The following ZNF334 variants were observed in gnomAD, a reference collection of about 807,000 sequenced individuals.
The protein encoded by ZNF334 is zinc finger protein 334.
ZNF334 carries 14 observed loss-of-function variants against 12.4 expected under a neutral mutation model. The observed-to-expected ratio is 1.13, with a 90% confidence interval of 0.74 to 1.76. The LOEUF (loss-of-function observed/expected upper bound fraction) is 1.76, where lower values mean the gene tolerates loss of function less well. Among genes scored for constraint, ZNF334 ranks in the 40% most tolerant of loss-of-function variants. The pLI, the probability that ZNF334 is intolerant of heterozygous loss-of-function variation, is 0.00. For synonymous variants in ZNF334, 273 were observed against 269.6 expected (o/e 1.01, Z -0.12); for missense variants, 797 against 804.5 (o/e 0.99, Z 0.11).
chr20:46,493,520 A>C, the ZNF334 span, among the ~76,000 whole-genome samples: 1 of 152,224 alleles, frequency 6.6e-6, no homozygotes, highest in African/African-American at 2.4e-5. Context: ...GCAGTGGCTC[A>C]CGCCTGTAAT....
At chr20:46,509,830 T>C (rs1030683000) in intron 2 of ZNF334, 4 of 610,148 alleles carry the variant, frequency 6.6e-6, no homozygotes, top group Non-Finnish European at 1.2e-5. Context: ...ATGGAAGGTT[T>C]GCATCCCAAT....
intron 4 of ZNF334, 133 bp from the exon 5 acceptor site, chr20:46,503,230 A>T: frequency 9.4e-7 from 1 of 1,069,056 alleles, no homozygotes; most frequent in Non-Finnish European, 1.3e-6. Flanking sequence ...ACAAATTTCA[A>T]GTGCAAATAT....
At chr20:46,463,023 G>A in the ZNF334 span, among the ~76,000 whole-genome samples, 2 of 152,308 alleles carry the variant, frequency 1.3e-5, no homozygotes, top group South Asian at 4.1e-4. Flanking sequence ...AAGGTGGGAG[G>A]ATCAGCTGAG....
chr20:46,482,857 A>T, the ZNF334 span, among the ~76,000 whole-genome samples: 1 of 152,256 alleles, frequency 6.6e-6, no homozygotes, highest in East Asian at 1.9e-4. Flanking sequence ...TACAGTGTGA[A>T]TTGTCCTGTT....
intron 2 of ZNF334, among the ~76,000 whole-genome samples, chr20:46,507,463 GAT>G (rs1012612228): frequency 2.4e-4 from 37 of 152,150 alleles, no homozygotes; most frequent in African/African-American, 6.8e-4. Flanking sequence ...ATTTGAATAC[GAT>G]AGATAATAAT....
the ZNF334 span, chr20:46,463,798 C>T: frequency 3.4e-5 from 10 of 290,412 alleles, no homozygotes; most frequent in Non-Finnish European, 7.0e-5. Flanking sequence ...AGTTGATAGG[C>T]CTGCCTAGGA....
chr20:46,475,788 G>A, the ZNF334 span, among the ~76,000 whole-genome samples: 1 of 152,222 alleles, frequency 6.6e-6, no homozygotes, highest in Non-Finnish European at 1.5e-5. Flanking sequence ...ATGCTGGCCA[G>A]GATGTGGTGA....
At chr20:46,498,199 CCA>C (rs1568843428), downstream of ZNF334, among the ~76,000 whole-genome samples, 4 of 152,304 alleles carry the variant, frequency 2.6e-5, no homozygotes, top group South Asian at 8.3e-4. Flanking sequence ...TGAGATGGCT[CCA>C]GAGGTCTCTA....
chr20:46,490,530 T>C, the ZNF334 span, among the ~76,000 whole-genome samples: 1 of 152,252 alleles, frequency 6.6e-6, no homozygotes, highest in Non-Finnish European at 1.5e-5. Context: ...TTTTAGGTTC[T>C]TTAAGCTTTT....
At chr20:46,503,828 C>T (rs919486213) in intron 4 of ZNF334, among the ~76,000 whole-genome samples, 3 of 151,934 alleles carry the variant, frequency 2.0e-5, no homozygotes, top group Non-Finnish European at 2.9e-5. Flanking sequence ...TGTTAAGTGA[C>T]GTAGAGAAAA....
chr20:46,501,554 AGT>A lies in ZNF334; in HGVS notation c.1783_1784del (p.Thr595TrpfsTer6). On this transcript the variant is annotated frameshift_variant, in exon 5 of 5. Coordinates refer to ENST00000692313, the MANE Select transcript of ZNF334 (RefSeq NM_001353824.2). LOFTEE classifies it low-confidence loss of function (END_TRUNC). ...FSFVEHQRTH[T>X]GEKPYECNEC... ...CATTACATTCATATGGTTTCTCCCC[AGT>A]GTGAGTTCGCTGATGTTCAACAAAG... 1 of 1,613,152 alleles carries A rather than the reference AGT, an allele frequency of 6.2e-7. No individual in the cohort carries two copies. The highest frequency in any genetic ancestry group is 1.7e-4 in the Middle Eastern group (1 of 6,056).
intron 4 of ZNF334, among the ~76,000 whole-genome samples, chr20:46,503,721 G>T (rs889333648): frequency 6.6e-6 from 1 of 152,200 alleles, no homozygotes; most frequent in African/African-American, 2.4e-5. Context: ...TGAGAGTTGA[G>T]TGTCTTCCTA....
In ZNF334 at chr20:46,502,254, G is replaced by A. The variant is rs186911997; in HGVS notation, c.1085C>T (p.Ser362Leu). ...AGTTCTTTGATGTACAACAAGATAC[G>A]ATTTCTTGCTGAAGGCATTTCCACA... ...KECGNAFSKKSYLVVHQRTHR... is the reference protein window; with the variant it reads ...KECGNAFSKKLYLVVHQRTHR... The change falls in exon 5 of 5, where the codon TCG (serine) becomes TTG (leucine). Residue 362 changes from serine (S) to leucine (L), a missense_variant. Transcript: ENST00000692313. 4.3e-5 allele frequency: 70 copies of A among 1,613,914 alleles called. No individual in the cohort carries two copies. In the Middle Eastern group the frequency reaches 8.2e-4, roughly 19 times the overall value.
the ZNF334 span, among the ~76,000 whole-genome samples, chr20:46,475,994 C>T: frequency 2.0e-5 from 3 of 152,138 alleles, no homozygotes; most frequent in Admixed American, 6.5e-5. Flanking sequence ...TTTGTAATAG[C>T]CCCAAACAGG....
the ZNF334 span, chr20:46,465,096 T>A: frequency 2.3e-5 from 6 of 263,240 alleles, no homozygotes; most frequent in African/African-American, 1.1e-4. Context: ...ACAAATCCCA[T>A]GCACAAAATA....
the ZNF334 span, among the ~76,000 whole-genome samples, chr20:46,485,963 GT>G: frequency 6.6e-6 from 1 of 152,080 alleles, no homozygotes; most frequent in African/African-American, 2.4e-5. Flanking sequence ...TTTCTATGAA[GT>G]TATAGTCACT....
chr20:46,502,318 T>G lies in ZNF334; in HGVS notation c.1021A>C (p.Arg341=). Residue 341 remains arginine (R), a synonymous_variant, in exon 5 of 5, where the codon AGG becomes CGG. Transcript: ENST00000692313. ...FRKSALAEHF[R]SHTGEKPYEC... ...TAAGGCTTCTCCCCTGTGTGTGACC[T>G]GAAATGTTCAGCCAGGGCTGACTTC... 6.2e-7 allele frequency: 1 copy of G among 1,614,178 alleles called. No homozygotes were observed. Among genetic ancestry groups the G allele is most frequent in the Non-Finnish European group, 8.5e-7 (1 of 1,180,038 alleles).
chr20:46,506,957 T>TAA (rs2061456074), intron 2 of ZNF334, among the ~76,000 whole-genome samples: 1 of 146,636 alleles, frequency 6.8e-6, no homozygotes, highest in Admixed American at 6.7e-5. Flanking sequence ...CAAAAAAATT[T>TAA]TTTTTTTTTT....
the ZNF334 span, chr20:46,474,808 G>A: frequency 6.6e-6 from 1 of 152,180 alleles, no homozygotes; most frequent in Non-Finnish European, 1.5e-5. Context: ...GCTCTTTGGG[G>A]GCAAATCAGG....
Sources: gnomAD v4.1 joint callset for allele counts (sites outside exome capture counted in the v4.1 genomes callset) on GRCh38, gnomAD v4.1.1 for gene constraint, MANE v1.5 for transcripts, NCBI Gene and HGNC (gene_info 2026-07-23, HGNC 2026-07-21) for gene names.